The following PCDH19 variants were observed in gnomAD, a reference collection of about 807,000 sequenced individuals.
PCDH19 encodes protocadherin-19.
A neutral mutation model predicts 46.2 loss-of-function variants in PCDH19; 6 were observed. The ratio of observed to expected loss-of-function variants is 0.13; its 90% confidence interval spans 0.07 to 0.26. PCDH19 has a LOEUF of 0.26. PCDH19 is among the 10% of genes least tolerant of loss of function. PCDH19 has a pLI of 1.00. For synonymous variants in PCDH19, 481 were observed against 415.7 expected, an observed-to-expected ratio of 1.16 and a Z score of -1.91; for missense variants, 740 against 972.3, an observed-to-expected ratio of 0.76 and a Z score of 3.18.
In PCDH19 at chrX:100,293,963, G is replaced by A. The variant is rs892883236; in HGVS notation, c.*2314C>T. ...TTTCCACAATCTTTTCTGCTCCCTG[G>A]TTCCCACTGAGCATAGCAAGAAATA... is the stretch of plus-strand genomic sequence containing the variant. On this transcript the variant is annotated 3_prime_UTR_variant, in exon 6 of 6. Coordinates refer to ENST00000373034, the MANE Select transcript of PCDH19 (RefSeq NM_001184880.2). 2 of 111,421 alleles carry A rather than the reference G, an allele frequency of 1.8e-5. No individual in the cohort carries two copies. Among genetic ancestry groups the A allele is most frequent in the Non-Finnish European group, 3.8e-5 (2 of 53,062 alleles). The allele number at this position is 111,421 out of a possible 1,213,427, so 9.2% of individuals were successfully genotyped here. A position where few individuals can be genotyped will look rare whatever the true frequency, so the allele number is the denominator to read the frequency against.
chrX:100,355,400 C>G (rs896603733), intron 3 of PCDH19, among the ~76,000 whole-genome samples: 22 of 111,484 alleles, frequency 2.0e-4, no homozygotes, highest in African/African-American at 6.8e-4. Flanking sequence ...TTTTTCTTGT[C>G]TTTAATTTTT....
intron 3 of PCDH19, among the ~76,000 whole-genome samples, chrX:100,396,164 A>G (rs1439872647): frequency 1.8e-5 from 2 of 112,217 alleles, no homozygotes; most frequent in African/African-American, 3.2e-5. Context: ...AGGGGCCAAC[A>G]TCTGAAACTC....
chrX:100,318,999 C>A (rs1172134026), intron 5 of PCDH19, among the ~76,000 whole-genome samples: 1 of 107,337 alleles, frequency 9.3e-6, no homozygotes, highest in Non-Finnish European at 1.9e-5. Flanking sequence ...AAAAAAAAAA[C>A]CTACACATGC....
At chrX:100,298,678 C>T (rs1013275031) in intron 5 of PCDH19, among the ~76,000 whole-genome samples, 5 of 111,602 alleles carry the variant, frequency 4.5e-5, no homozygotes, top group Admixed American at 2.9e-4. Flanking sequence ...GCCCTTTCTC[C>T]GCCCCTTCCC....
At chrX:100,398,558 G>A (rs1316585206) in intron 3 of PCDH19, among the ~76,000 whole-genome samples, 2 of 112,069 alleles carry the variant, frequency 1.8e-5, no homozygotes, top group African/African-American at 6.5e-5. Flanking sequence ...AGCGACAGGT[G>A]ATCAGAAACT....
chrX:100,300,468 ATTC>A (rs2147449213), intron 5 of PCDH19, among the ~76,000 whole-genome samples: 1 of 111,741 alleles, frequency 8.9e-6, no homozygotes, highest in Admixed American at 9.5e-5. Context: ...TCCTGCTGAG[ATTC>A]TTCTTATGAA....
chrX:100,383,614 A>G (rs1347512573), intron 3 of PCDH19, among the ~76,000 whole-genome samples: 1 of 112,366 alleles, frequency 8.9e-6, no homozygotes, highest in African/African-American at 3.2e-5. Flanking sequence ...GAAAGATGTC[A>G]TATTTCTAGA....
At chrX:100,356,680 T>C (rs1266957333) in intron 3 of PCDH19, among the ~76,000 whole-genome samples, 1 of 111,020 alleles carries the variant, frequency 9.0e-6, no homozygotes, top group Non-Finnish European at 1.9e-5. Context: ...TGCCCTGAAC[T>C]AGAAAACGTG....
At chrX:100,370,714 G>T (rs185508893) in intron 3 of PCDH19, among the ~76,000 whole-genome samples, 2 of 111,632 alleles carry the variant, frequency 1.8e-5, no homozygotes, top group Admixed American at 1.9e-4. Flanking sequence ...TTGGTTTGTA[G>T]GAGAATAATA....
chrX:100,323,844 A>G (rs1925596195), intron 5 of PCDH19, among the ~76,000 whole-genome samples: 1 of 111,755 alleles, frequency 8.9e-6, no homozygotes, highest in Admixed American at 9.5e-5. Context: ...CCTAGAGGGG[A>G]AAAGGATAGA....
At chrX:100,324,035 A>T (rs929109074) in intron 5 of PCDH19, among the ~76,000 whole-genome samples, 2 of 112,094 alleles carry the variant, frequency 1.8e-5, no homozygotes, top group African/African-American at 6.5e-5. Flanking sequence ...TACAGTGTTA[A>T]GAGTTTAAGA....
intron 5 of PCDH19, among the ~76,000 whole-genome samples, chrX:100,312,772 T>G (rs1359320032): frequency 9.0e-6 from 1 of 111,517 alleles, no homozygotes; most frequent in East Asian, 2.8e-4. Context: ...AGAATGGCTC[T>G]CTATTAAAGA....
chrX:100,342,104 G>T (rs373743707), intron 4 of PCDH19, 29 bp from the exon 5 acceptor site: 19 of 1,165,983 alleles, frequency 1.6e-5, no homozygotes, highest in Non-Finnish European at 2.2e-5. Context: ...GATAATTTAC[G>T]ACCGTGACAG....
At chrX:100,382,820 T>G (rs1927593451) in intron 3 of PCDH19, among the ~76,000 whole-genome samples, 1 of 112,082 alleles carries the variant, frequency 8.9e-6, no homozygotes, top group Non-Finnish European at 1.9e-5. Context: ...TAACTCTGAT[T>G]CACGTAGGAC....
At position 100,294,045 on chromosome X, in the gene PCDH19, AAC is replaced by A. The variant is rs1924513959; in HGVS notation, c.*2230_*2231del. On this transcript the variant is annotated 3_prime_UTR_variant, in exon 6 of 6. Coordinates refer to ENST00000373034, the MANE Select transcript of PCDH19 (RefSeq NM_001184880.2). ...AAGTGACCTTGAAATCGTAGCTAAT[AAC>A]ATAATATCAGGATGGATCAGGGTGA... The A allele has an allele frequency of 8.9e-6, 1 of 112,122 alleles. No individual in the cohort carries two copies. Among genetic ancestry groups the A allele is most frequent in the South Asian group, 3.7e-4 (1 of 2,681 alleles). The allele number at this position is 112,122 out of a possible 1,213,427, so 9.2% of individuals were successfully genotyped here. A position where few individuals can be genotyped will look rare whatever the true frequency, so the allele number is the denominator to read the frequency against.
intron 5 of PCDH19, among the ~76,000 whole-genome samples, chrX:100,338,098 TG>T (rs1253618913): frequency 1.8e-5 from 2 of 111,243 alleles, no homozygotes; most frequent in Non-Finnish European, 3.8e-5. Context: ...CCCAGCACTT[TG>T]GGAGGCCAAG....
At chrX:100,331,273 TTC>T (rs1925862223) in intron 5 of PCDH19, among the ~76,000 whole-genome samples, 1 of 112,113 alleles carries the variant, frequency 8.9e-6, no homozygotes, top group South Asian at 3.7e-4. Flanking sequence ...TAATAATCTC[TTC>T]ATCGCAAACT....
intron 3 of PCDH19, among the ~76,000 whole-genome samples, chrX:100,400,696 G>A (rs1928153326): frequency 8.9e-6 from 1 of 112,109 alleles, no homozygotes; most frequent in Non-Finnish European, 1.9e-5. Flanking sequence ...TGCTTTTGTT[G>A]CTGGCAGAAT....
In PCDH19 at chrX:100,296,141, C is replaced by A; in HGVS notation, c.*136G>T. The A allele has an allele frequency of 1.8e-6, 1 of 557,073 alleles. No homozygotes were observed. Among genetic ancestry groups the A allele is most frequent in the Non-Finnish European group, 3.1e-6 (1 of 318,829 alleles). The allele number at this position is 557,073 out of a possible 1,213,427, so 45.9% of individuals were successfully genotyped here. ...AGGGACTGTCACAGAATGATAATCA[C>A]CTATAAACAATACATTTAGGAAAAG... On this transcript the variant is annotated 3_prime_UTR_variant, in exon 6 of 6. Coordinates refer to ENST00000373034, the MANE Select transcript of PCDH19 (RefSeq NM_001184880.2).
Sources: allele counts gnomAD v4.1 joint callset (sites outside exome capture counted in the v4.1 genomes callset), GRCh38; gene constraint gnomAD v4.1.1; transcripts MANE v1.5; gene names NCBI Gene and HGNC (gene_info 2026-07-23, HGNC 2026-07-21).